Variants in DENND1A observed in about 807,000 individuals in gnomAD.
The protein encoded by DENND1A is DENN domain containing 1A.
In DENND1A, 51 loss-of-function variants were observed where a neutral mutation model predicts 113.7. That is an observed-to-expected ratio of 0.45 (90% CI 0.36 to 0.57). The LOEUF is 0.57. Ranked by LOEUF, DENND1A falls within the 20% of genes least tolerant of loss-of-function variation. The pLI is 0.00. For missense variants in DENND1A, 1,258 were observed against 1,395.9 expected (o/e 0.90, Z 1.57); for synonymous variants, 565 against 570.8 (o/e 0.99, Z 0.14).
chr9:123,730,562 T>C (rs944901247), intron 5 of DENND1A, among the ~76,000 whole-genome samples: 1 of 152,044 alleles, frequency 6.6e-6, no homozygotes, highest in Non-Finnish European at 1.5e-5. Context: ...TGAGATACCA[T>C]CTCACCCCAG....
At chr9:123,476,547 C>T (rs1305902666) in intron 13 of DENND1A, among the ~76,000 whole-genome samples, 2 of 152,164 alleles carry the variant, frequency 1.3e-5, no homozygotes, top group Admixed American at 1.3e-4. Flanking sequence ...GCCAGCAGCA[C>T]ATAGAGATTC....
intron 1 of DENND1A, among the ~76,000 whole-genome samples, chr9:123,879,360 C>G (rs2133564648): frequency 6.6e-6 from 1 of 152,080 alleles, no homozygotes; most frequent in East Asian, 1.9e-4. Context: ...TAGCAAAACC[C>G]TGTCTCTACT....
chr9:123,841,659 C>A (rs1019329996), intron 2 of DENND1A, among the ~76,000 whole-genome samples: 4 of 152,024 alleles, frequency 2.6e-5, no homozygotes, highest in Non-Finnish European at 2.9e-5. Flanking sequence ...AAGGTTCCCC[C>A]CTAAGGATGA....
chr9:123,500,736 T>A (rs757114184), intron 13 of DENND1A, among the ~76,000 whole-genome samples: 1 of 152,150 alleles, frequency 6.6e-6, no homozygotes, highest in Non-Finnish European at 1.5e-5. Context: ...GGGTAGGAGC[T>A]CAGTAACACA....
At chr9:123,829,638 A>T (rs1839889955) in intron 2 of DENND1A, among the ~76,000 whole-genome samples, 2 of 152,058 alleles carry the variant, frequency 1.3e-5, no homozygotes, top group Admixed American at 6.5e-5. Context: ...ATAAAAAACA[A>T]GGAAACAGGT....
chr9:123,685,673 G>T (rs2064763098), intron 5 of DENND1A, among the ~76,000 whole-genome samples: 1 of 152,104 alleles, frequency 6.6e-6, no homozygotes, highest in Non-Finnish European at 1.5e-5. Flanking sequence ...AAGCACAGAG[G>T]CACTTTTCTG....
intron 11 of DENND1A, among the ~76,000 whole-genome samples, chr9:123,595,318 A>G (rs1036135042): frequency 1.3e-5 from 2 of 152,104 alleles, no homozygotes; most frequent in Non-Finnish European, 2.9e-5. Flanking sequence ...TCTTCCTCTA[A>G]TGGCCCCTTT....
At chr9:123,561,178 C>T (rs1053706769) in intron 12 of DENND1A, among the ~76,000 whole-genome samples, 2 of 152,234 alleles carry the variant, frequency 1.3e-5, no homozygotes, top group Admixed American at 1.3e-4. Context: ...CTTAACCTTC[C>T]CTGGCCTTTC....
chr9:123,841,297 TTCAC>T (rs774445220), intron 2 of DENND1A, among the ~76,000 whole-genome samples: 9 of 152,196 alleles, frequency 5.9e-5, no homozygotes, highest in Non-Finnish European at 1.3e-4. Context: ...AGAATTTCTC[TTCAC>T]TCAAACAAAA....
chr9:123,700,060 T>C (rs1225511916), intron 5 of DENND1A, among the ~76,000 whole-genome samples: 1 of 152,196 alleles, frequency 6.6e-6, no homozygotes, highest in East Asian at 1.9e-4. Context: ...AAAAAATATA[T>C]CTAGATATCA....
intron 5 of DENND1A, among the ~76,000 whole-genome samples, chr9:123,706,758 G>C (rs1473271746): frequency 2.6e-5 from 3 of 117,052 alleles, no homozygotes; most frequent in African/African-American, 1.1e-4. Context: ...GTGACAGAGC[G>C]AGACTCCGTC....
At chr9:123,891,151 G>A (rs78628752) in intron 1 of DENND1A, among the ~76,000 whole-genome samples, 5,792 of 152,230 alleles carry the variant, frequency 0.038, 114 homozygotes, top group Middle Eastern at 0.048. Flanking sequence ...TGACTTCAGG[G>A]AGATCCAGAA....
At chr9:123,864,680 C>T (rs138305348) in intron 2 of DENND1A, among the ~76,000 whole-genome samples, 49 of 151,922 alleles carry the variant, frequency 3.2e-4, no homozygotes, top group African/African-American at 1.1e-3. Flanking sequence ...GAACTCCTGC[C>T]GCTAATATAA....
chr9:123,630,330 C>A, intron 10 of DENND1A, 46 bp downstream of exon 10: 1 of 1,321,396 alleles, frequency 7.6e-7, no homozygotes. Flanking sequence ...CACGCCCAGT[C>A]AGATCAGGGC....
chr9:123,454,823 T>A (rs2047994075), intron 15 of DENND1A, 44 bp from the exon 16 acceptor site: 1 of 1,545,500 alleles, frequency 6.5e-7, no homozygotes, highest in Non-Finnish European at 8.8e-7. Flanking sequence ...AAAGAGGTGA[T>A]TTGTCCTTGG....
At chr9:123,831,349 T>C (rs185844319) in intron 2 of DENND1A, among the ~76,000 whole-genome samples, 1 of 152,316 alleles carries the variant, frequency 6.6e-6, no homozygotes, top group Admixed American at 6.5e-5. Flanking sequence ...ATGTGAAGAC[T>C]AAATATGTAA....
chr9:123,900,019 G>C (rs1851353609), intron 1 of DENND1A, among the ~76,000 whole-genome samples: 1 of 152,168 alleles, frequency 6.6e-6, no homozygotes, highest in Non-Finnish European at 1.5e-5. Flanking sequence ...AGTTAAACCA[G>C]CACGTTCTGG....
intron 1 of DENND1A, among the ~76,000 whole-genome samples, chr9:123,893,542 C>A (rs557121021): frequency 6.6e-6 from 1 of 152,270 alleles, no homozygotes; most frequent in East Asian, 1.9e-4. Context: ...TACCATCAGG[C>A]CTCAATCACT....
At chr9:123,604,152 C>T (rs2060047893) in intron 11 of DENND1A, among the ~76,000 whole-genome samples, 1 of 152,240 alleles carries the variant, frequency 6.6e-6, no homozygotes, top group African/African-American at 2.4e-5. Context: ...TACCTCAGCT[C>T]ATGCTCCTAT....
Sources: gnomAD v4.1 joint callset for allele counts (sites outside exome capture counted in the v4.1 genomes callset) on GRCh38, gnomAD v4.1.1 for gene constraint, MANE v1.5 for transcripts, NCBI Gene and HGNC (gene_info 2026-07-23, HGNC 2026-07-21) for gene names.